The following SP3 variants were observed in gnomAD, a reference collection of about 807,000 sequenced individuals.
SP3 encodes transcription factor Sp3.
Under a neutral mutation model 70.3 loss-of-function variants are expected in SP3, and 10 were observed. That is an observed-to-expected ratio of 0.14 (90% CI 0.09 to 0.24). The LOEUF is 0.24. Ranked by LOEUF, SP3 falls within the 10% of genes least tolerant of loss-of-function variation. The pLI, the probability that SP3 is intolerant of heterozygous loss-of-function variation, is 1.00. For missense variants in SP3, 825 were observed against 914.6 expected, an observed-to-expected ratio of 0.90 and a Z score of 1.26; for synonymous variants, 402 against 333.5, an observed-to-expected ratio of 1.21 and a Z score of -2.24.
At chr2:173,916,510 A>G (rs538633715) in intron 5 of SP3, 5 of 152,234 alleles carry the variant, frequency 3.3e-5, no homozygotes, top group Admixed American at 3.3e-4. Flanking sequence ...TACAAAAAAA[A>G]AGAAACAATT....
intron 4 of SP3, among the ~76,000 whole-genome samples, chr2:173,931,025 A>AT (rs71405166): frequency 6.6e-6 from 1 of 152,170 alleles, no homozygotes; most frequent in South Asian, 2.1e-4. Context: ...CAAGCCACAC[A>AT]TTTTTTTGGT....
At chr2:173,930,046 T>A (rs1382139712) in intron 4 of SP3, among the ~76,000 whole-genome samples, 1 of 152,184 alleles carries the variant, frequency 6.6e-6, no homozygotes, top group Non-Finnish European at 1.5e-5. Context: ...TAACTATGGG[T>A]ACCTTGAGTT....
At chr2:173,948,479 G>A (rs962411891) in intron 4 of SP3, among the ~76,000 whole-genome samples, 2 of 152,062 alleles carry the variant, frequency 1.3e-5, no homozygotes, top group Non-Finnish European at 2.9e-5. Flanking sequence ...GGTACTCCCT[G>A]AGGTTTCAGG....
chr2:173,949,086 C>A lies in SP3; in HGVS notation c.1639+5787G>T, dbSNP rs75241909. Among the ~76,000 whole-genome samples, 634 of 152,200 alleles carry A rather than the reference C, an allele frequency of 4.2e-3. 1 individual carries two copies. The highest frequency in any genetic ancestry group is 0.014 in the African/African-American group (594 of 41,544). On this transcript the variant is annotated intron_variant, in intron 4 of 6. Transcript: ENST00000310015. ...AGATCTACCAATTACTTAAAATCAG[C>A]ACAGATCATAGTCATCACATTTTGT...
intron 4 of SP3, among the ~76,000 whole-genome samples, chr2:173,921,547 AAAC>A: frequency 6.6e-6 from 1 of 152,030 alleles, no homozygotes; most frequent in Non-Finnish European, 1.5e-5. Context: ...ACAAACAAAC[AAAC>A]AAACAAACAA....
intron 3 of SP3, among the ~76,000 whole-genome samples, chr2:173,959,761 T>A (rs1691005016): frequency 1.3e-5 from 2 of 151,728 alleles, no homozygotes. Context: ...CTCAAAAAAA[T>A]AAAAATAAAA....
At chr2:173,924,174 A>G (rs1689843090) in intron 4 of SP3, among the ~76,000 whole-genome samples, 2 of 152,144 alleles carry the variant, frequency 1.3e-5, no homozygotes, top group Non-Finnish European at 2.9e-5. Flanking sequence ...ATCTCCTTAG[A>G]TTTGGATCAT....
chr2:173,945,465 A>T (rs753742950), intron 4 of SP3, among the ~76,000 whole-genome samples: 12 of 152,242 alleles, frequency 7.9e-5, no homozygotes, highest in Non-Finnish European at 8.8e-5. Flanking sequence ...CATTATTTGT[A>T]GTGTGGGACA....
chr2:173,906,920 G>A lies in SP3; in HGVS notation c.*3021C>T, dbSNP rs1249283804. 1 of 152,160 alleles carries A rather than the reference G, an allele frequency of 6.6e-6. No individual in the cohort carries two copies. Among genetic ancestry groups the A allele is most frequent in the African/African-American group, 2.4e-5 (1 of 41,434 alleles). 9.4% of individuals were successfully genotyped at this position (152,160 alleles called of 1,614,324 possible). Reference sequence around the variant, plus strand: ...ATTTCTAATGAACAATACTGTTTAAGAACTATTTTCTATGAAATAGGCTTG... The same window carrying A: ...ATTTCTAATGAACAATACTGTTTAAAAACTATTTTCTATGAAATAGGCTTG... On this transcript the variant is annotated 3_prime_UTR_variant, in exon 7 of 7. Transcript: ENST00000310015.
chr2:173,916,878 G>A (rs914646475), intron 5 of SP3: 3 of 151,956 alleles, frequency 2.0e-5, no homozygotes, highest in Non-Finnish European at 2.9e-5. Context: ...CCATACAATA[G>A]AATACAACAG....
In SP3 at chr2:173,911,073, T is replaced by C. The variant is rs1035316303; in HGVS notation, c.2030-816A>G. On this transcript the variant is annotated intron_variant, in intron 6 of 6. Transcript: ENST00000310015. ...CTTTCTTCAAAAATGTCTTAGCTTGTATCCTTTGTTCTAGCACCTCTACTC... is the reference window on the plus strand; with the variant it reads ...CTTTCTTCAAAAATGTCTTAGCTTGCATCCTTTGTTCTAGCACCTCTACTC... Among the ~76,000 whole-genome samples, 39 of 152,236 alleles carry C rather than the reference T, an allele frequency of 2.6e-4. 1 individual carries two copies. Among genetic ancestry groups the C allele is most frequent in the African/African-American group, 9.2e-4 (38 of 41,464 alleles).
At chr2:173,935,960 T>C (rs916887874) in intron 4 of SP3, among the ~76,000 whole-genome samples, 2 of 150,786 alleles carry the variant, frequency 1.3e-5, no homozygotes, top group African/African-American at 2.4e-5. Context: ...CTTTGAAATG[T>C]CTGGCATTCT....
At chr2:173,931,320 G>T (rs1472909877) in intron 4 of SP3, among the ~76,000 whole-genome samples, 3 of 148,534 alleles carry the variant, frequency 2.0e-5, no homozygotes, top group African/African-American at 7.7e-5. Context: ...CTTGAGGTCA[G>T]GAGTTCGAGA....
chr2:173,924,257 T>G (rs924768825), intron 4 of SP3, among the ~76,000 whole-genome samples: 1 of 152,134 alleles, frequency 6.6e-6, no homozygotes, highest in Non-Finnish European at 1.5e-5. Flanking sequence ...TTTATAGCAG[T>G]TTTCCAAATT....
chr2:173,955,853 G>C lies in SP3; in HGVS notation c.659C>G (p.Pro220Arg). 5.0e-6 allele frequency: 8 copies of C among 1,614,202 alleles called. No homozygotes were observed. The highest frequency in any genetic ancestry group is 1.3e-5 in the African/African-American group (1 of 75,064). Residue 220 changes from proline (P) to arginine (R), a missense_variant, in exon 4 of 7, where the codon CCT (proline) becomes CGT (arginine). Physicochemically the swap from Pro to Arg is moderately radical, Grantham distance 103. Around this residue, in one of 4 missense-constraint regions of SP3, gnomAD observed 678 missense variants for 651.6 expected, o/e 1.04. Coordinates refer to ENST00000310015, the MANE Select transcript of SP3 (RefSeq NM_003111.5). ...SNQTLLASGT[P>R]SANIQNLIPQ... ...TATGAGATTCTGGATGTTAGCAGAA[G>C]GTGTTCCAGAGGCAAGTAAGGTTTG...
chr2:173,960,276 G>T (rs570683083), intron 3 of SP3, among the ~76,000 whole-genome samples: 30 of 152,282 alleles, frequency 2.0e-4, no homozygotes, highest in Non-Finnish European at 4.0e-4. Flanking sequence ...GGTGGAAACG[G>T]AAAAAGAAAA....
At chr2:173,929,582 T>G (rs1193683295) in intron 4 of SP3, among the ~76,000 whole-genome samples, 1 of 152,176 alleles carries the variant, frequency 6.6e-6, no homozygotes, top group Non-Finnish European at 1.5e-5. Flanking sequence ...TCATAGCAAT[T>G]CATAAGCCAG....
At chr2:173,933,002 T>A (rs181313329) in intron 4 of SP3, among the ~76,000 whole-genome samples, 7 of 151,634 alleles carry the variant, frequency 4.6e-5, no homozygotes, top group Non-Finnish European at 7.4e-5. Context: ...AAAACAAAAA[T>A]AAAAAATAAT....
At chr2:173,928,842 A>T (rs1364704897) in intron 4 of SP3, among the ~76,000 whole-genome samples, 1 of 152,224 alleles carries the variant, frequency 6.6e-6, no homozygotes, top group Non-Finnish European at 1.5e-5. Flanking sequence ...TTTGCCCTCC[A>T]ATTTTTACAT....
Sources: allele counts gnomAD v4.1 joint callset (sites outside exome capture counted in the v4.1 genomes callset), GRCh38; gene constraint gnomAD v4.1.1; regional missense constraint gnomAD v4.1.1; transcripts MANE v1.5; gene names NCBI Gene and HGNC (gene_info 2026-07-23, HGNC 2026-07-21).